MAGI2: variants seen among roughly 807,000 people sequenced by gnomAD.
MAGI2 encodes the protein membrane-associated guanylate kinase, WW and PDZ domain-containing protein 2.
In MAGI2, 35 loss-of-function variants were observed where a neutral mutation model predicts 133.3. The ratio of observed to expected loss-of-function variants is 0.26; its 90% CI spans 0.20 to 0.35. MAGI2 has a LOEUF of 0.35. Ranked by LOEUF, MAGI2 falls within the 10% of genes least tolerant of loss-of-function variation. The pLI is 1.00. For synonymous variants in MAGI2, 729 were observed against 710.6 expected, an observed-to-expected ratio of 1.03 and a Z score of -0.41; for missense variants, 1,636 against 1,863.4, an observed-to-expected ratio of 0.88 and a Z score of 2.25.
intron 1 of MAGI2, among the ~76,000 whole-genome samples, chr7:79,363,178 A>G (rs1842469120): frequency 6.6e-6 from 1 of 151,324 alleles, no homozygotes; most frequent in Admixed American, 6.6e-5. Flanking sequence ...TAAAATTTAA[A>G]ACAGTACAAT....
At chr7:79,185,960 T>G (rs1827047507) in intron 1 of MAGI2, among the ~76,000 whole-genome samples, 1 of 151,588 alleles carries the variant, frequency 6.6e-6, no homozygotes, top group Non-Finnish European at 1.5e-5. Context: ...AACAATGCAC[T>G]TATATGAACT....
intron 1 of MAGI2, among the ~76,000 whole-genome samples, chr7:79,401,332 A>G (rs1213690947): frequency 1.3e-5 from 2 of 152,172 alleles, no homozygotes; most frequent in Admixed American, 1.3e-4. Flanking sequence ...TCTCACAGCA[A>G]AATTTATTGA....
rs558404590 is a variant in MAGI2 at position 78,499,458 on chromosome 7, CAT to C, written c.965+2117_965+2118del. 3.2e-3 allele frequency among the ~76,000 whole-genome samples: 493 copies of C among 152,308 alleles called. 2 individuals are homozygous for C. Among genetic ancestry groups the C allele is most frequent in the African/African-American group, 8.6e-3 (359 of 41,578 alleles). On this transcript the variant is annotated intron_variant, in intron 5 of 21. Coordinates refer to ENST00000354212, the MANE Select transcript of MAGI2 (RefSeq NM_012301.4). ...TTGAAAGCAAGGACAAAATCTTACA[CAT>C]GTTTGAATGCCAACACTGGCTGACT...
At chr7:78,760,313 C>T (rs867336194) in intron 2 of MAGI2, among the ~76,000 whole-genome samples, 16 of 151,660 alleles carry the variant, frequency 1.1e-4, no homozygotes, top group Admixed American at 2.6e-4. Flanking sequence ...ACAAAAACCA[C>T]CAGGTAATGA....
intron 4 of MAGI2, among the ~76,000 whole-genome samples, chr7:78,506,554 G>A (rs1005298630): frequency 3.3e-5 from 5 of 152,150 alleles, no homozygotes; most frequent in African/African-American, 1.2e-4. Flanking sequence ...AAAGAGAAGA[G>A]GAAAGGGCAG....
At chr7:79,211,958 C>A (rs980944801) in intron 1 of MAGI2, among the ~76,000 whole-genome samples, 5 of 152,020 alleles carry the variant, frequency 3.3e-5, no homozygotes, top group African/African-American at 1.2e-4. Context: ...CTGTGCATTG[C>A]AAAATTTTCA....
At position 78,018,295 on chromosome 7, in the gene MAGI2, A is replaced by G. The variant is rs1007598123; in HGVS notation, c.*1020T>C. 1.3e-5 allele frequency: 2 copies of G among 152,636 alleles called. No individual in the cohort carries two copies. Among genetic ancestry groups the G allele is most frequent in the African/African-American group, 4.8e-5 (2 of 41,466 alleles). The allele number at this position is 152,636 out of a possible 1,614,324, so 9.5% of individuals were successfully genotyped here. On this transcript the variant is annotated 3_prime_UTR_variant, in exon 22 of 22. Coordinates refer to ENST00000354212, the MANE Select transcript of MAGI2 (RefSeq NM_012301.4). The stretch of plus-strand genomic sequence containing the variant: ...TTATAATCTGAGAAATATAAGACAA[A>G]TACTCTGCCTCTGCTCTGTCAAAGT...
At chr7:78,370,528 T>G (rs1793816382) in intron 6 of MAGI2, among the ~76,000 whole-genome samples, 2 of 151,946 alleles carry the variant, frequency 1.3e-5, no homozygotes, top group South Asian at 4.1e-4. Flanking sequence ...ATGGAAAAAT[T>G]CCTAGATGTG....
intron 2 of MAGI2, among the ~76,000 whole-genome samples, chr7:78,818,106 A>G (rs1789770007): frequency 6.6e-6 from 1 of 152,180 alleles, no homozygotes; most frequent in South Asian, 2.1e-4. Context: ...AAATCTGCAT[A>G]GTTTTTATTT....
At chr7:79,211,422 G>A (rs908299133) in intron 1 of MAGI2, among the ~76,000 whole-genome samples, 3 of 151,274 alleles carry the variant, frequency 2.0e-5, no homozygotes, top group Non-Finnish European at 2.9e-5. Flanking sequence ...AGACTACAGT[G>A]CACCACTATG....
chr7:78,290,125 G>A (rs1160652886), intron 9 of MAGI2, among the ~76,000 whole-genome samples: 2 of 152,098 alleles, frequency 1.3e-5, no homozygotes, highest in Non-Finnish European at 2.9e-5. Flanking sequence ...AAATGTAAAC[G>A]AACTAAATGC....
At chr7:78,666,637 A>G (rs1813621751) in intron 2 of MAGI2, among the ~76,000 whole-genome samples, 2 of 152,178 alleles carry the variant, frequency 1.3e-5, no homozygotes, top group Non-Finnish European at 2.9e-5. Context: ...GCTTGACTTG[A>G]TGATACCTGG....
intron 2 of MAGI2, among the ~76,000 whole-genome samples, chr7:78,905,426 G>C (rs1279599759): frequency 2.0e-5 from 3 of 152,160 alleles, no homozygotes; most frequent in Admixed American, 1.3e-4. Flanking sequence ...ACCTTGGATA[G>C]GGCACGTAGC....
intron 3 of MAGI2, chr7:78,583,371 G>A (rs1217217346): frequency 2.1e-5 from 4 of 190,992 alleles, no homozygotes; most frequent in Non-Finnish European, 4.5e-5. Context: ...GGTGGCGGGC[G>A]CCTGTGGTCC....
chr7:79,280,215 A>G (rs980055135), intron 1 of MAGI2, among the ~76,000 whole-genome samples: 2 of 152,186 alleles, frequency 1.3e-5, no homozygotes, highest in Non-Finnish European at 1.5e-5. Flanking sequence ...GATGACGTAG[A>G]GAAGACTTTC....
At chr7:78,530,009 G>A (rs1479766340) in intron 3 of MAGI2, among the ~76,000 whole-genome samples, 1 of 151,912 alleles carries the variant, frequency 6.6e-6, no homozygotes, top group Non-Finnish European at 1.5e-5. Flanking sequence ...CCTTAATTGG[G>A]ACAAGCCCCA....
intron 9 of MAGI2, among the ~76,000 whole-genome samples, chr7:78,281,714 G>C (rs76469264): frequency 6.3e-4 from 69 of 108,856 alleles, no homozygotes; most frequent in African/African-American, 2.0e-3. Context: ...CTCACTCTCT[G>C]TATTCAGAAA....
intron 2 of MAGI2, among the ~76,000 whole-genome samples, chr7:78,684,768 G>C (rs1816092550): frequency 6.6e-6 from 1 of 151,976 alleles, no homozygotes; most frequent in South Asian, 2.1e-4. Flanking sequence ...AAACTTTAAA[G>C]ATGTAGCTAT....
At chr7:78,393,031 A>C (rs139527505) in intron 6 of MAGI2, among the ~76,000 whole-genome samples, 1 of 152,210 alleles carries the variant, frequency 6.6e-6, no homozygotes, top group Non-Finnish European at 1.5e-5. Context: ...GGAATATAAT[A>C]GTAAAAAAAA....
Sources: allele counts gnomAD v4.1 joint callset (sites outside exome capture counted in the v4.1 genomes callset), GRCh38; gene constraint gnomAD v4.1.1; transcripts MANE v1.5; gene names NCBI Gene and HGNC (gene_info 2026-07-23, HGNC 2026-07-21).